The following SYNPR variants were observed in gnomAD, a reference collection of about 807,000 sequenced individuals.
SYNPR encodes the protein synaptoporin.
In SYNPR, 23 loss-of-function variants were observed where a neutral mutation model predicts 32.9. That is an observed-to-expected ratio of 0.70 (90% CI 0.50 to 0.99). The LOEUF is 0.99. Ranked by LOEUF, SYNPR falls within the 50% of genes least tolerant of loss-of-function variation. SYNPR has a pLI of 0.00. For synonymous variants in SYNPR, 146 were observed against 135.9 expected, an observed-to-expected ratio of 1.07 and a Z score of -0.52; for missense variants, 318 against 349.3, an observed-to-expected ratio of 0.91 and a Z score of 0.71.
chr3:63,415,573 A>G (rs2088529263), intron 2 of SYNPR, among the ~76,000 whole-genome samples: 1 of 152,190 alleles, frequency 6.6e-6, no homozygotes, highest in African/African-American at 2.4e-5. Context: ...CCACTCAGCC[A>G]TTGTAGCACA....
chr3:63,501,505 A>G (rs1300476072), intron 3 of SYNPR, among the ~76,000 whole-genome samples: 22 of 147,202 alleles, frequency 1.5e-4, no homozygotes, highest in African/African-American at 5.3e-4. Context: ...AAAAAAAAAA[A>G]AAAAAAAAAG....
At chr3:63,424,641 A>C (rs1239261791) in intron 2 of SYNPR, among the ~76,000 whole-genome samples, 1 of 152,020 alleles carries the variant, frequency 6.6e-6, no homozygotes, top group Non-Finnish European at 1.5e-5. Context: ...CTTCCGGATT[A>C]AAAAAAATAA....
intron 4 of SYNPR, among the ~76,000 whole-genome samples, chr3:63,572,561 A>G (rs1702906211): frequency 6.6e-6 from 1 of 152,206 alleles, no homozygotes; most frequent in Admixed American, 6.6e-5. Context: ...AATTAGGGAA[A>G]GAGGTCAGAA....
the SYNPR span, among the ~76,000 whole-genome samples, chr3:63,218,257 T>C: frequency 1.2e-3 from 190 of 152,378 alleles, 1 homozygote; most frequent in Non-Finnish European, 1.9e-4. Flanking sequence ...TTGATAACCC[T>C]GTTCACTGGC....
chr3:63,330,322 A>G (rs1429467894), intron 2 of SYNPR: 1 of 151,734 alleles, frequency 6.6e-6, no homozygotes, highest in Non-Finnish European at 1.5e-5. Flanking sequence ...GCTTTACTCA[A>G]ACTTGCTTAA....
chr3:63,559,519 C>T (rs1007872211), intron 4 of SYNPR, among the ~76,000 whole-genome samples: 1 of 152,146 alleles, frequency 6.6e-6, no homozygotes, highest in Non-Finnish European at 1.5e-5. Flanking sequence ...AAATAAATTT[C>T]ACAAATCCCT....
chr3:63,329,080 G>A (rs1030722124), intron 2 of SYNPR, among the ~76,000 whole-genome samples: 4 of 152,026 alleles, frequency 2.6e-5, no homozygotes, highest in African/African-American at 4.8e-5. Flanking sequence ...TATTATCAAC[G>A]AGCCAAGAAA....
intron 2 of SYNPR, 136 bp from the exon 3 acceptor site, chr3:63,480,696 C>A: frequency 8.6e-7 from 1 of 1,165,492 alleles, no homozygotes; most frequent in South Asian, 1.7e-5. Context: ...CATCTTCCAG[C>A]TGAACCAAGG....
At chr3:63,443,380 T>C in intron 2 of SYNPR, 1 of 1,573,490 alleles carries the variant, frequency 6.4e-7, no homozygotes, top group Non-Finnish European at 8.6e-7. Context: ...GAAGCTTTAT[T>C]TTTAGTATGA....
the SYNPR span, among the ~76,000 whole-genome samples, chr3:63,204,469 A>T: frequency 6.6e-5 from 10 of 152,154 alleles, no homozygotes; most frequent in Non-Finnish European, 1.2e-4. Flanking sequence ...TCTCATCTTA[A>T]TCAGTTCTAT....
chr3:63,566,102 G>A (rs1183165842), intron 4 of SYNPR, among the ~76,000 whole-genome samples: 4 of 152,030 alleles, frequency 2.6e-5, no homozygotes, highest in Non-Finnish European at 5.9e-5. Context: ...GAACTCTTGC[G>A]TTTTTCTAGA....
At chr3:63,382,815 A>G (rs1415861698) in intron 2 of SYNPR, among the ~76,000 whole-genome samples, 1 of 152,028 alleles carries the variant, frequency 6.6e-6, no homozygotes, top group Non-Finnish European at 1.5e-5. Flanking sequence ...GCTGTTTTTT[A>G]CTTTCCCACC....
chr3:63,301,131 T>C (rs1422768435), intron 2 of SYNPR, among the ~76,000 whole-genome samples: 1 of 152,138 alleles, frequency 6.6e-6, no homozygotes, highest in Non-Finnish European at 1.5e-5. Context: ...TTCAGCTCCC[T>C]CATTGGAAAA....
At position 63,316,962 on chromosome 3, in the gene SYNPR, A is replaced by T. The variant is rs181062236; in HGVS notation, c.84+38220A>T. 9.3e-3 allele frequency among the ~76,000 whole-genome samples: 1,420 copies of T among 152,014 alleles called. 34 individuals carry two copies. The highest frequency in any genetic ancestry group is 0.033 in the African/African-American group (1,367 of 41,530). ...TTGTCATTCAATTCAAATAATTTTT[A>T]AATTTCCATCTTGATTTCATTTTTG... On this transcript the variant is annotated intron_variant, in intron 2 of 5. Coordinates refer to ENST00000478300, the MANE Select transcript of SYNPR (RefSeq NM_001130003.2).
chr3:63,576,297 C>T (rs776776095), intron 4 of SYNPR, among the ~76,000 whole-genome samples: 24 of 152,190 alleles, frequency 1.6e-4, no homozygotes, highest in African/African-American at 5.5e-4. Context: ...CCTCTGAGTA[C>T]GTGAAACAAA....
chr3:63,445,654 A>G (rs1277067887), intron 2 of SYNPR: 5 of 605,614 alleles, frequency 8.3e-6, no homozygotes, highest in East Asian at 5.6e-5. Context: ...CAAGCACTCT[A>G]TGAGGGCCAT....
intron 2 of SYNPR, among the ~76,000 whole-genome samples, chr3:63,289,077 A>C (rs2086714057): frequency 6.6e-6 from 1 of 152,182 alleles, no homozygotes; most frequent in Admixed American, 6.5e-5. Flanking sequence ...TAATATTAGT[A>C]AAACCTCCAG....
chr3:63,383,690 G>C (rs554943130), intron 2 of SYNPR, among the ~76,000 whole-genome samples: 1 of 152,070 alleles, frequency 6.6e-6, no homozygotes, highest in Non-Finnish European at 1.5e-5. Flanking sequence ...TACACTAATG[G>C]AACTCCTATT....
intron 2 of SYNPR, chr3:63,442,955 C>T (rs1559500667): frequency 1.1e-6 from 1 of 908,406 alleles, no homozygotes; most frequent in Non-Finnish European, 1.3e-6. Flanking sequence ...ACCCTTAAAA[C>T]ACAAAATTCT....
Sources: gnomAD v4.1 joint callset for allele counts (sites outside exome capture counted in the v4.1 genomes callset) on GRCh38, gnomAD v4.1.1 for gene constraint, MANE v1.5 for transcripts, NCBI Gene and HGNC (gene_info 2026-07-23, HGNC 2026-07-21) for gene names.